The following ECT2 variants were observed in gnomAD, a reference collection of about 807,000 sequenced individuals.
ECT2 encodes epithelial cell transforming 2.
In ECT2, 61 loss-of-function variants were observed where a neutral mutation model predicts 116.9. The ratio of observed to expected loss-of-function variants is 0.52; its 90% confidence interval spans 0.42 to 0.65. The LOEUF (loss-of-function observed/expected upper bound fraction) is 0.65. ECT2 is among the 30% of genes least tolerant of loss of function. The pLI, the probability that ECT2 is intolerant of heterozygous loss-of-function variation, is 0.00. For synonymous variants in ECT2, 358 were observed against 346.4 expected, an observed-to-expected ratio of 1.03 and a Z score of -0.37; for missense variants, 937 against 1,078.7, an observed-to-expected ratio of 0.87 and a Z score of 1.84.
At chr3:172,756,042 C>T (rs1241384038) in intron 4 of ECT2, among the ~76,000 whole-genome samples, 1 of 152,234 alleles carries the variant, frequency 6.6e-6, no homozygotes, top group East Asian at 1.9e-4. Flanking sequence ...GGCCTTTCTT[C>T]TGTGTGTCCT....
At chr3:172,794,656 A>G (rs1173880996) in intron 18 of ECT2, among the ~76,000 whole-genome samples, 1 of 152,140 alleles carries the variant, frequency 6.6e-6, no homozygotes, top group South Asian at 2.1e-4. Context: ...AACTGTGGGG[A>G]ATGTGTATAG....
intron 20 of ECT2, among the ~76,000 whole-genome samples, chr3:172,803,707 C>T (rs1373962285): frequency 6.6e-6 from 1 of 152,084 alleles, no homozygotes; most frequent in Non-Finnish European, 1.5e-5. Context: ...TCACTGGAAA[C>T]TTTCTGTTAC....
Position 172,807,870 on chromosome 3 carries a change from C to G in ECT2, c.2346C>G (p.Asn782Lys). 1 of 1,613,920 alleles carries G rather than the reference C, an allele frequency of 6.2e-7. No homozygotes were observed. The highest frequency in any genetic ancestry group is 8.5e-7 in the Non-Finnish European group (1 of 1,179,852). The change falls in exon 22 of 25, where the codon AAC becomes AAG. Residue 782 changes from asparagine to lysine, a missense_variant. Physicochemically the swap from Asn to Lys is moderately conservative, Grantham distance 94. Coordinates refer to ENST00000392692, the MANE Select transcript of ECT2 (RefSeq NM_001258315.2). ...CATCAGATGAACTTCCAAAAGAAAA[C>G]TGGCTAAAGATGCTGTGTCGACATG... ...QMTSDELPKE[N>K]WLKMLCRHVA...
rs1716743564 is a variant in ECT2, at chr3:172,755,303, C to G, written c.139C>G (p.Pro47Ala). The change falls in exon 3 of 25, where the codon CCT becomes GCT. Residue 47 changes from proline to alanine, a missense_variant. Physicochemically the swap from Pro to Ala is conservative, Grantham distance 27 (BLOSUM62 -1). Coordinates refer to ENST00000392692, the MANE Select transcript of ECT2 (RefSeq NM_001258315.2). ...GSTSYVEEEM[P>A]QIETRVILVQ... ...ATTTTACATTTTAACAGAAGAGATGCCTCAGATTGAAACAAGAGTGATATT... is the reference window on the plus strand; with the variant it reads ...ATTTTACATTTTAACAGAAGAGATGGCTCAGATTGAAACAAGAGTGATATT... 3.7e-6 allele frequency: 6 copies of G among 1,600,338 alleles called. No individual in the cohort carries two copies. In the East Asian group the frequency reaches 1.3e-4, roughly 36 times the overall value.
chr3:172,781,673 C>G (rs1722720526), intron 14 of ECT2, among the ~76,000 whole-genome samples: 1 of 152,110 alleles, frequency 6.6e-6, no homozygotes, highest in African/African-American at 2.4e-5. Context: ...TGGGCCAAAT[C>G]CAGCCCATTG....
At chr3:172,812,461 C>T (rs569890104) in intron 22 of ECT2, among the ~76,000 whole-genome samples, 1 of 151,556 alleles carries the variant, frequency 6.6e-6, no homozygotes, top group South Asian at 2.1e-4. Flanking sequence ...TAATTATTTT[C>T]CAGCTAATTT....
rs1329046706 is a variant in ECT2, at chr3:172,755,388, G to A, written c.210+14G>A. On this transcript the variant is annotated intron_variant, in intron 3 of 24. Coordinates refer to ENST00000392692, the MANE Select transcript of ECT2 (RefSeq NM_001258315.2). ...AAAGCCTTAAAGGTACGGAGTTTTA[G>A]GTTTTAGTTTTTTTTGTAATGCAAT... 2.5e-6 allele frequency: 4 copies of A among 1,587,198 alleles called. No homozygotes were observed. The highest frequency in any genetic ancestry group is 4.5e-5 in the East Asian group (2 of 44,598).
chr3:172,828,821 A>G, the ECT2 span: 1 of 792,476 alleles, frequency 1.3e-6, no homozygotes, highest in Admixed American at 2.0e-5. Flanking sequence ...GGCATAGGAG[A>G]AGAGCTACTG....
intron 14 of ECT2, among the ~76,000 whole-genome samples, chr3:172,777,922 CAA>C (rs999145288): frequency 1.3e-5 from 2 of 152,144 alleles, no homozygotes; most frequent in Non-Finnish European, 2.9e-5. Flanking sequence ...TATGATGAAA[CAA>C]GAGACAGAGA....
intron 24 of ECT2, among the ~76,000 whole-genome samples, chr3:172,817,706 T>C (rs1053463371): frequency 2.6e-5 from 4 of 152,138 alleles, no homozygotes; most frequent in African/African-American, 9.7e-5. Context: ...ACTAAGTATT[T>C]GAGTGAAATA....
In ECT2 at chr3:172,757,081, G is replaced by A; in HGVS notation, c.402G>A (p.Gln134=). The part of the protein sequence containing the change: ...FENVFVVTDF[Q]DSVFNDLYKA... Reference sequence around the variant, plus strand: ...ATGTATTTGTAGTCACGGACTTTCAGGATTCTGTCTTTAATGACCTCTACA... The same window carrying A: ...ATGTATTTGTAGTCACGGACTTTCAAGATTCTGTCTTTAATGACCTCTACA... Residue 134 remains glutamine, a synonymous_variant, in exon 5 of 25, where the codon CAG becomes CAA. Transcript: ENST00000392692. The A allele has an allele frequency of 1.2e-6, 2 of 1,610,462 alleles. No individual in the cohort carries two copies. Among genetic ancestry groups the A allele is most frequent in the Non-Finnish European group, 1.7e-6 (2 of 1,178,754 alleles).
At chr3:172,768,214 T>C (rs1719898887) in intron 12 of ECT2, among the ~76,000 whole-genome samples, 1 of 152,208 alleles carries the variant, frequency 6.6e-6, no homozygotes, top group Non-Finnish European at 1.5e-5. Flanking sequence ...TTCGTTATTG[T>C]AATTGTGTAA....
At position 172,805,716 on chromosome 3, in the gene ECT2, A is replaced by C; in HGVS notation, c.2107-15A>C. On this transcript the variant is annotated splice_polypyrimidine_tract_variant and intron_variant, in intron 20 of 24. Transcript: ENST00000392692. ...TCATTTTATTGACTGATACTTTTTT[A>C]TTTTCTATAATCAGATAGCAAGAAA... 1 of 1,606,634 alleles carries C rather than the reference A, an allele frequency of 6.2e-7. No homozygotes were observed. Among genetic ancestry groups the C allele is most frequent in the Non-Finnish European group, 8.5e-7 (1 of 1,177,734 alleles).
At chr3:172,761,753 C>T in intron 8 of ECT2, 70 bp downstream of exon 8, 3 of 1,092,090 alleles carry the variant, frequency 2.7e-6, no homozygotes, top group Non-Finnish European at 4.0e-6. Flanking sequence ...AATCCATGTG[C>T]TGAAAAAAGT....
intron 4 of ECT2, among the ~76,000 whole-genome samples, 193 bp downstream of exon 4, chr3:172,755,768 G>T (rs1716869957): frequency 6.6e-6 from 1 of 151,918 alleles, no homozygotes; most frequent in Admixed American, 6.6e-5. Flanking sequence ...CTAAATTCTT[G>T]CTGTATTTCC....
At chr3:172,822,989 A>T (rs954018154), downstream of ECT2, among the ~76,000 whole-genome samples, 8 of 152,084 alleles carry the variant, frequency 5.3e-5, no homozygotes, top group Admixed American at 1.3e-4. Flanking sequence ...AAAATAGAAA[A>T]ACATGGAACT....
At chr3:172,790,918 G>T (rs1295040205) in intron 18 of ECT2, among the ~76,000 whole-genome samples, 1 of 152,214 alleles carries the variant, frequency 6.6e-6, no homozygotes, top group African/African-American at 2.4e-5. Context: ...ACTTTGGGAG[G>T]CCAAGGTGGG....
At chr3:172,806,033 T>A in intron 21 of ECT2, 164 bp downstream of exon 21, 1 of 673,880 alleles carries the variant, frequency 1.5e-6, no homozygotes, top group Non-Finnish European at 2.4e-6. Context: ...TCTCCATCTC[T>A]AGGAACAGAA....
At chr3:172,794,516 T>C (rs1725261443) in intron 18 of ECT2, among the ~76,000 whole-genome samples, 1 of 152,210 alleles carries the variant, frequency 6.6e-6, no homozygotes, top group Non-Finnish European at 1.5e-5. Context: ...AGTTTTGAAA[T>C]TGGGAAGTAT....
Sources: gnomAD v4.1 joint callset for allele counts (sites outside exome capture counted in the v4.1 genomes callset) on GRCh38, gnomAD v4.1.1 for gene constraint, MANE v1.5 for transcripts, NCBI Gene and HGNC (gene_info 2026-07-23, HGNC 2026-07-21) for gene names.